Variants in RASSF8 observed in about 807,000 individuals in gnomAD.
RASSF8 encodes Ras association domain family member 8.
A neutral mutation model predicts 48.5 loss-of-function variants in RASSF8; 22 were observed. The observed-to-expected ratio is 0.45, with a 90% CI of 0.32 to 0.65. The LOEUF is 0.65. Ranked by LOEUF, RASSF8 falls within the 30% of genes least tolerant of loss-of-function variation. RASSF8 has a pLI of 0.03. For missense variants in RASSF8, 418 were observed against 489.2 expected (o/e 0.85, Z 1.37); for synonymous variants, 127 against 171.5 (o/e 0.74, Z 2.03).
Position 26,065,307 on chromosome 12 carries a change from C to T in RASSF8, c.913C>T (p.Gln305Ter). ...TAAGGTCAAAGGGGAGATTGACATT[C>T]AAGGCCAGCAGAGTCTGAGGTTGGA... ...IGKVKGEIDI[Q>*]GQQSLRLENG... The change falls in exon 4 of 6, where the codon CAA becomes TAA. Residue 305 changes from glutamine to a stop codon, truncating the protein, a stop_gained. Coordinates refer to ENST00000689635, the MANE Select transcript of RASSF8 (RefSeq NM_001394098.1). LOFTEE classifies it high-confidence loss of function. 6.2e-7 allele frequency: 1 copy of T among 1,614,122 alleles called. No individual in the cohort carries two copies. The highest frequency in any genetic ancestry group is 8.5e-7 in the Non-Finnish European group (1 of 1,180,008).
chr12:26,004,284 T>C (rs573809846), intron 2 of RASSF8, among the ~76,000 whole-genome samples: 37 of 152,342 alleles, frequency 2.4e-4, no homozygotes, highest in Admixed American at 1.6e-3. Flanking sequence ...TCCTGAGCTG[T>C]TATTAATGAA....
rs549136022 is a variant in RASSF8 at position 26,078,516 on chromosome 12, G to A, written c.1139-517G>A. On this transcript the variant is annotated intron_variant, in intron 5 of 5. Coordinates refer to the RASSF8 transcript ENST00000381352. ...TTTGGAATATATAGGCCTTTTCCTG[G>A]CTGTGAGCCAGTAACCCCTTCCAAG... is the stretch of plus-strand genomic sequence containing the variant. Among the ~76,000 whole-genome samples the A allele has an allele frequency of 3.9e-5, 6 of 152,282 alleles. No individual in the cohort carries two copies. In the South Asian group the frequency reaches 1.0e-3, roughly 26 times the overall value.
intron 1 of RASSF8, among the ~76,000 whole-genome samples, chr12:25,976,162 A>G (rs968858057): frequency 3.9e-5 from 6 of 152,178 alleles, no homozygotes; most frequent in African/African-American, 1.4e-4. Context: ...TCCTAGAACT[A>G]AATTGAAAGG....
intron 2 of RASSF8, among the ~76,000 whole-genome samples, chr12:26,037,818 C>T (rs1277798518): frequency 1.3e-5 from 2 of 152,134 alleles, no homozygotes; most frequent in African/African-American, 4.8e-5. Flanking sequence ...AAACCAAGAG[C>T]TTCCCCTAAA....
intron 2 of RASSF8, among the ~76,000 whole-genome samples, chr12:26,009,171 A>G (rs1036329614): frequency 1.3e-5 from 2 of 152,246 alleles, no homozygotes; most frequent in Non-Finnish European, 2.9e-5. Flanking sequence ...ATAAGGGACT[A>G]TCTGGGCTGA....
chr12:25,995,663 G>T (rs1017066939), intron 2 of RASSF8, among the ~76,000 whole-genome samples: 2 of 151,920 alleles, frequency 1.3e-5, no homozygotes, highest in Non-Finnish European at 2.9e-5. Context: ...TCAAGGGGGG[G>T]CATAAAAATC....
intron 2 of RASSF8, among the ~76,000 whole-genome samples, chr12:25,999,326 T>C (rs555286493): frequency 4.6e-5 from 7 of 152,334 alleles, no homozygotes; most frequent in Admixed American, 1.3e-4. Flanking sequence ...TATAGCACTT[T>C]CTATGGGAAG....
In RASSF8 at chr12:26,064,589, A is replaced by G. The variant is rs147030769; in HGVS notation, c.195A>G (p.Lys65=). 5 of 1,614,022 alleles carry G rather than the reference A, an allele frequency of 3.1e-6. No individual in the cohort carries two copies. Among genetic ancestry groups the G allele is most frequent in the Non-Finnish European group, 4.2e-6 (5 of 1,180,026 alleles). The change falls in exon 4 of 6, where the codon AAA becomes AAG. Residue 65 remains lysine (K), a synonymous_variant. Coordinates refer to ENST00000689635, the MANE Select transcript of RASSF8 (RefSeq NM_001394098.1). ...AAAATCCTATCATATCCTTAAACAAATGGGGGCAGTATGCTAGTGATGTGC... is the reference window on the plus strand; with the variant it reads ...AAAATCCTATCATATCCTTAAACAAGTGGGGGCAGTATGCTAGTGATGTGC... The part of the protein sequence containing the change: ...PHENPIISLN[K]WGQYASDVQL...
chr12:26,056,381 A>G (rs1943602955), intron 3 of RASSF8, among the ~76,000 whole-genome samples: 1 of 152,170 alleles, frequency 6.6e-6, no homozygotes, highest in Non-Finnish European at 1.5e-5. Flanking sequence ...ATATGGGTCC[A>G]AGTTTATATT....
chr12:25,990,616 A>G (rs1430284082), intron 1 of RASSF8, among the ~76,000 whole-genome samples: 1 of 152,216 alleles, frequency 6.6e-6, no homozygotes. Flanking sequence ...AAAACCTAAG[A>G]TACCTTCCTT....
intron 4 of RASSF8, among the ~76,000 whole-genome samples, chr12:26,066,520 A>G (rs1319040246): frequency 6.6e-6 from 1 of 152,196 alleles, no homozygotes; most frequent in Non-Finnish European, 1.5e-5. Context: ...CATGCAGTAG[A>G]AGCTTGTCAG....
intron 1 of RASSF8, among the ~76,000 whole-genome samples, chr12:25,971,003 A>C (rs1293573945): frequency 6.6e-6 from 1 of 152,268 alleles, no homozygotes; most frequent in African/African-American, 2.4e-5. Context: ...ATATGCATAC[A>C]TAGTTCTTAT....
At chr12:25,978,725 A>G (rs971325290) in intron 1 of RASSF8, among the ~76,000 whole-genome samples, 4 of 151,812 alleles carry the variant, frequency 2.6e-5, no homozygotes, top group Non-Finnish European at 5.9e-5. Context: ...GGATCAGATC[A>G]TTATAGGCTG....
intron 2 of RASSF8, among the ~76,000 whole-genome samples, chr12:26,004,389 C>T (rs1942334850): frequency 6.6e-6 from 1 of 152,092 alleles, no homozygotes; most frequent in African/African-American, 2.4e-5. Context: ...GCAGTGTGTT[C>T]CTGTCTTAGT....
At chr12:26,041,477 A>G (rs7310826) in intron 2 of RASSF8, among the ~76,000 whole-genome samples, 139,422 of 152,128 alleles carry the variant, frequency 0.92, 63,924 homozygotes, top group East Asian at 0.99. Flanking sequence ...CAGTTTATCA[A>G]CTGGATAATA....
At chr12:26,031,152 G>A (rs1249857239) in intron 2 of RASSF8, among the ~76,000 whole-genome samples, 1 of 152,030 alleles carries the variant, frequency 6.6e-6, no homozygotes, top group Non-Finnish European at 1.5e-5. Context: ...CTAGTAACTT[G>A]GTGCCAAATT....
chr12:25,971,505 C>T (rs960971619), intron 1 of RASSF8, among the ~76,000 whole-genome samples: 14 of 152,068 alleles, frequency 9.2e-5, no homozygotes, highest in African/African-American at 2.9e-4. Flanking sequence ...GTGTTCTGGT[C>T]GGTCATTAAT....
chr12:25,993,105 A>T (rs1362572572), intron 1 of RASSF8, among the ~76,000 whole-genome samples: 3 of 152,178 alleles, frequency 2.0e-5, no homozygotes, highest in African/African-American at 7.2e-5. Flanking sequence ...CATTTCCCAG[A>T]GACACCCTGA....
rs1483646012 is a variant in RASSF8, at chr12:26,069,733, A to C, written c.*915A>C. The C allele has an allele frequency of 1.0e-6, 1 of 985,246 alleles. No individual in the cohort carries two copies. The highest frequency in any genetic ancestry group is 1.2e-6 in the Non-Finnish European group (1 of 829,882). The allele number at this position is 985,246 out of a possible 1,614,324, so 61.0% of individuals were successfully genotyped here. On this transcript the variant is annotated 3_prime_UTR_variant, in exon 6 of 6. Coordinates refer to ENST00000689635, the MANE Select transcript of RASSF8 (RefSeq NM_001394098.1). ...TGGTCTACTTCAGGAACATTGCTTT[A>C]AGTGATGTATTTTAAAATAACCCGC...
Sources: gnomAD v4.1 joint callset for allele counts (sites outside exome capture counted in the v4.1 genomes callset) on GRCh38, gnomAD v4.1.1 for gene constraint, MANE v1.5 for transcripts, NCBI Gene and HGNC (gene_info 2026-07-23, HGNC 2026-07-21) for gene names.